Variants in CSMD1 observed in about 807,000 individuals in gnomAD.
CSMD1 encodes CUB and Sushi multiple domains 1, also known as CUB and sushi domain-containing protein 1.
In CSMD1, 213 loss-of-function variants were observed where a neutral mutation model predicts 417.5. The observed-to-expected ratio is 0.51, with a 90% confidence interval of 0.46 to 0.57. CSMD1 has a LOEUF of 0.57. Ranked by LOEUF, CSMD1 falls within the 20% of genes least tolerant of loss-of-function variation. The pLI is 0.00. For synonymous variants in CSMD1, 2,862 were observed against 1,736.8 expected (o/e 1.65, Z -16.11); for missense variants, 6,923 against 4,529.7 (o/e 1.53, Z -15.17).
rs117066547 is a variant in CSMD1, at chr8:4,814,917, G to C, written c.86-177359C>G. On this transcript the variant is annotated intron_variant, in intron 1 of 69. Transcript: ENST00000635120. The stretch of plus-strand genomic sequence containing the variant: ...TATATAATCACAAAACTACGTATTT[G>C]GTTGAATAAACATTTTGCATTATGA... Among the ~76,000 whole-genome samples the C allele has an allele frequency of 4.3e-3, 658 of 152,192 alleles. 2 individuals are homozygous for C. The highest frequency in any genetic ancestry group is 0.014 in the Middle Eastern group (4 of 294).
At chr8:2,943,728 A>T (rs566869587) in intron 68 of CSMD1, among the ~76,000 whole-genome samples, 1 of 152,330 alleles carries the variant, frequency 6.6e-6, no homozygotes, top group Non-Finnish European at 1.5e-5. Flanking sequence ...GTACTAATAA[A>T]ATATAATTTT....
intron 3 of CSMD1, among the ~76,000 whole-genome samples, chr8:4,083,153 T>C (rs1800230655): frequency 6.6e-6 from 1 of 152,092 alleles, no homozygotes; most frequent in Non-Finnish European, 1.5e-5. Flanking sequence ...CTGGGTCAAA[T>C]GGTATTTCTG....
intron 10 of CSMD1, among the ~76,000 whole-genome samples, chr8:3,506,839 C>T (rs1311635210): frequency 6.6e-6 from 1 of 152,118 alleles, no homozygotes; most frequent in East Asian, 1.9e-4. Flanking sequence ...ATTTTAAAAA[C>T]ACCATAAAAC....
chr8:4,493,770 C>A (rs143475393), intron 2 of CSMD1, among the ~76,000 whole-genome samples: 3 of 152,148 alleles, frequency 2.0e-5, no homozygotes, highest in Non-Finnish European at 4.4e-5. Context: ...AGAATCAACT[C>A]TATCCCTAAG....
intron 3 of CSMD1, among the ~76,000 whole-genome samples, chr8:4,072,441 C>A (rs561343032): frequency 3.9e-5 from 6 of 152,240 alleles, no homozygotes; most frequent in African/African-American, 1.4e-4. Flanking sequence ...ATTCTTATTT[C>A]TCTGGGAGAT....
At chr8:4,656,046 A>G (rs952054783) in intron 1 of CSMD1, among the ~76,000 whole-genome samples, 1 of 152,102 alleles carries the variant, frequency 6.6e-6, no homozygotes, top group Non-Finnish European at 1.5e-5. Flanking sequence ...GAGTAGTGTT[A>G]TGGAAGAGAA....
At chr8:4,791,561 TG>T (rs1797691170) in intron 1 of CSMD1, among the ~76,000 whole-genome samples, 1 of 152,176 alleles carries the variant, frequency 6.6e-6, no homozygotes, top group Non-Finnish European at 1.5e-5. Flanking sequence ...TGTCTCTTTT[TG>T]GCTAGAAACT....
intron 23 of CSMD1, among the ~76,000 whole-genome samples, chr8:3,321,172 T>C (rs1806130422): frequency 6.6e-6 from 1 of 152,114 alleles, no homozygotes; most frequent in African/African-American, 2.4e-5. Context: ...CTTTGCTTTC[T>C]AAGCTTCCAG....
intron 3 of CSMD1, among the ~76,000 whole-genome samples, chr8:4,033,428 C>A (rs1440813815): frequency 2.6e-5 from 4 of 152,088 alleles, no homozygotes. Flanking sequence ...GGTGACAGAG[C>A]GAGACTCCGC....
intron 6 of CSMD1, among the ~76,000 whole-genome samples, chr8:3,737,568 A>G (rs1013444345): frequency 1.3e-5 from 2 of 152,200 alleles, no homozygotes; most frequent in Admixed American, 1.3e-4. Flanking sequence ...AGTAGCATAT[A>G]TCCTCCTATG....
intron 12 of CSMD1, among the ~76,000 whole-genome samples, chr8:3,410,110 G>A (rs1239431345): frequency 6.6e-6 from 1 of 152,070 alleles, no homozygotes; most frequent in Non-Finnish European, 1.5e-5. Flanking sequence ...GGTCTACAGA[G>A]GAAAACAAAA....
rs573497881 is a variant in CSMD1, at chr8:4,600,548, T to G, written c.302+36794A>C. 4.8e-4 allele frequency among the ~76,000 whole-genome samples: 73 copies of G among 152,326 alleles called. No homozygotes were observed. In the South Asian group the frequency reaches 5.2e-3, roughly 11 times the overall value. On this transcript the variant is annotated intron_variant, in intron 2 of 69. Coordinates refer to ENST00000635120, the MANE Select transcript of CSMD1 (RefSeq NM_033225.6). ...AAAATTATAAATGAACACAGTTGAT[T>G]ATAACTATTTCCTGATGTGCTCTCC...
At chr8:4,597,134 G>C (rs530332009) in intron 2 of CSMD1, among the ~76,000 whole-genome samples, 2 of 151,888 alleles carry the variant, frequency 1.3e-5, no homozygotes, top group African/African-American at 4.8e-5. Context: ...AGCATTTGCA[G>C]CTAACAAAAG....
intron 26 of CSMD1, among the ~76,000 whole-genome samples, chr8:3,273,327 G>C (rs923733015): frequency 3.3e-5 from 5 of 151,790 alleles, no homozygotes; most frequent in African/African-American, 7.3e-5. Flanking sequence ...TGCTGGATTC[G>C]GTTTGCCAGT....
intron 49 of CSMD1, among the ~76,000 whole-genome samples, chr8:3,060,341 T>A: frequency 6.6e-6 from 1 of 152,030 alleles, no homozygotes. Context: ...AGACAGGGTT[T>A]CACCATGTTG....
intron 3 of CSMD1, among the ~76,000 whole-genome samples, chr8:4,374,276 C>G (rs1255985795): frequency 6.6e-6 from 1 of 152,048 alleles, no homozygotes; most frequent in Non-Finnish European, 1.5e-5. Flanking sequence ...TTTAATACAG[C>G]CTACCTACTG....
At chr8:4,842,536 G>A (rs972566934) in intron 1 of CSMD1, among the ~76,000 whole-genome samples, 8 of 152,180 alleles carry the variant, frequency 5.3e-5, no homozygotes, top group African/African-American at 1.7e-4. Flanking sequence ...TTCACTTACA[G>A]CGAGCACTAA....
At chr8:4,275,130 T>C (rs185832879) in intron 3 of CSMD1, among the ~76,000 whole-genome samples, 65 of 152,310 alleles carry the variant, frequency 4.3e-4, no homozygotes, top group African/African-American at 1.5e-3. Flanking sequence ...TAACCAATGA[T>C]AGTCAATAAA....
At chr8:3,625,050 G>A (rs148011140) in intron 7 of CSMD1, among the ~76,000 whole-genome samples, 1 of 150,380 alleles carries the variant, frequency 6.6e-6, no homozygotes, top group African/African-American at 2.4e-5. Flanking sequence ...CATCCTACGA[G>A]ACATTTCTAC....
Sources: allele counts gnomAD v4.1 joint callset (sites outside exome capture counted in the v4.1 genomes callset), GRCh38; gene constraint gnomAD v4.1.1; transcripts MANE v1.5; gene names NCBI Gene and HGNC (gene_info 2026-07-23, HGNC 2026-07-21).